The following KLHL34 variants were observed in gnomAD, a reference collection of about 807,000 sequenced individuals.
KLHL34 encodes the protein kelch like family member 34.
KLHL34 carries 24 observed loss-of-function variants against 23.8 expected under a neutral mutation model. The observed-to-expected ratio is 1.01, with a 90% CI of 0.73 to 1.42. KLHL34 has a LOEUF of 1.42. KLHL34 is among the 40% of genes most tolerant of loss of function. The pLI, the probability that KLHL34 is intolerant of heterozygous loss-of-function variation, is 0.00. For synonymous variants in KLHL34, 303 were observed against 287.9 expected (o/e 1.05, Z -0.53); for missense variants, 652 against 595.1 (o/e 1.10, Z -0.99).
In KLHL34 at chrX:21,656,297, C is replaced by T. The variant is rs766966039; in HGVS notation, c.1492G>A (p.Val498Ile). The change falls in exon 1 of 1, where the codon GTC becomes ATC. Residue 498 changes from valine to isoleucine, a missense_variant. Transcript: ENST00000379499. Reference sequence around the variant, plus strand: ...CAAACCTGCTCCTCAGGGCCCAGGACGTATAAGTCCCGGAGGCTGCTCGCT... The same window carrying T: ...CAAACCTGCTCCTCAGGGCCCAGGATGTATAAGTCCCGGAGGCTGCTCGCT... Reference protein sequence around the residue: ...GGASSLRDLYVLGPEEQVWSK... With the variant: ...GGASSLRDLYILGPEEQVWSK... 1 of 1,201,849 alleles carries T rather than the reference C, an allele frequency of 8.3e-7. No individual in the cohort carries two copies. Among genetic ancestry groups the T allele is most frequent in the Non-Finnish European group, 1.1e-6 (1 of 890,629 alleles).
At position 21,657,073 on chromosome X, in the gene KLHL34, C is replaced by T. The variant is rs1442471871; in HGVS notation, c.716G>A (p.Gly239Asp). The change falls in exon 1 of 1, where the codon GGC (glycine) becomes GAC (aspartate). Residue 239 changes from glycine to aspartate, a missense_variant. Coordinates refer to ENST00000379499, the MANE Select transcript of KLHL34 (RefSeq NM_153270.3). ...PADVLRRVYSGSGLVLPARVK... is the reference protein window; with the variant it reads ...PADVLRRVYSDSGLVLPARVK... ...CCGGGCGGGCAGCACGAGGCCAGAGCCCGAGTACACGCGCCGCAGTACGTC... is the reference window on the plus strand; with the variant it reads ...CCGGGCGGGCAGCACGAGGCCAGAGTCCGAGTACACGCGCCGCAGTACGTC... The T allele has an allele frequency of 8.3e-7, 1 of 1,198,658 alleles. No homozygotes were observed.
At position 21,657,936 on chromosome X, in the gene KLHL34, A is replaced by C; in HGVS notation, c.-148T>G. 1.1e-6 allele frequency: 1 copy of C among 925,009 alleles called. No homozygotes were observed. The highest frequency in any genetic ancestry group is 1.5e-6 in the Non-Finnish European group (1 of 688,185). The allele number at this position is 925,009 out of a possible 1,213,427, so 76.2% of individuals were successfully genotyped here. ...TTTCTGCCTGCTCAGTTTAAAGCCCAGGGCTCCTTCATCCAGACCTGCAGA... is the reference window on the plus strand; with the variant it reads ...TTTCTGCCTGCTCAGTTTAAAGCCCCGGGCTCCTTCATCCAGACCTGCAGA... On this transcript the variant is annotated 5_prime_UTR_variant, in exon 1 of 1. Transcript: ENST00000379499.
chrX:21,656,816 CCTCTTCCTCCAA>C lies in KLHL34; in HGVS notation c.961_972del (p.Leu321_Glu324del), dbSNP rs1404927391. ...GTGAGCTCCCACTCCTCCTCCTCCT[CCTCTTCCTCCAA>C]CTCTTCCTCTTCTTCCTCGGGCTCT... On this transcript the variant is annotated inframe_deletion, in exon 1 of 1. Coordinates refer to ENST00000379499, the MANE Select transcript of KLHL34 (RefSeq NM_153270.3). 1.6e-5 allele frequency: 19 copies of C among 1,192,959 alleles called. No individual in the cohort carries two copies. Among genetic ancestry groups the C allele is most frequent in the Non-Finnish European group, 2.1e-5 (19 of 886,085 alleles).
chrX:21,656,380 A>G lies in KLHL34; in HGVS notation c.1409T>C (p.Val470Ala). 7.5e-6 allele frequency: 9 copies of G among 1,194,546 alleles called. No homozygotes were observed. Among genetic ancestry groups the G allele is most frequent in the Non-Finnish European group, 1.0e-5 (9 of 888,574 alleles). The change falls in exon 1 of 1, where the codon GTC becomes GCC. Residue 470 changes from valine to alanine, a missense_variant. Coordinates refer to ENST00000379499, the MANE Select transcript of KLHL34 (RefSeq NM_153270.3). ...GATGTACACAACACCGCGGTCCCCG[A>G]CGGCCCCCGCGTGACCGTGCAGAGC... Reference protein sequence around the residue: ...PRALHGHAGAVGDRGVVYISG... With the variant: ...PRALHGHAGAAGDRGVVYISG...
At position 21,657,272 on chromosome X, in the gene KLHL34, C is replaced by T; in HGVS notation, c.517G>A (p.Glu173Lys). 8.6e-7 allele frequency: 1 copy of T among 1,160,621 alleles called. No individual in the cohort carries two copies. The highest frequency in any genetic ancestry group is 1.8e-5 in the African/African-American group (1 of 56,456). ...GCCCTCAGCGATGTAGGGTTGAGCT[C>T]CAGGAGTCCCGCGGGGCCCGCGCCC... is the stretch of plus-strand genomic sequence containing the variant. ...ARGAGPAGLL[E>K]LNPTSLRAVL... is the part of the protein sequence containing the mutation. Residue 173 changes from glutamate (E) to lysine (K), a missense_variant, in exon 1 of 1, where the codon GAG becomes AAG. Physicochemically the swap from Glu to Lys is moderately conservative, Grantham distance 56. Coordinates refer to ENST00000379499, the MANE Select transcript of KLHL34 (RefSeq NM_153270.3).
rs774445774 is a variant in KLHL34, at chrX:21,656,558, T to G, written c.1231A>C (p.Met411Leu). The change falls in exon 1 of 1, where the codon ATG becomes CTG. Residue 411 changes from methionine to leucine, a missense_variant. By Grantham distance (15) the Met-to-Leu change is conservative. Coordinates refer to ENST00000379499, the MANE Select transcript of KLHL34 (RefSeq NM_153270.3). ...RFHAWTEVPA[M>L]REARAHFWCG... ...CAGAAGTGGGCCCGCGCTTCCCGCA[T>G]GGCGGGCACTTCCGTCCAAGCGTGG... 1.2e-5 allele frequency: 14 copies of G among 1,198,638 alleles called. No individual in the cohort carries two copies. In the African/African-American group the frequency reaches 2.5e-4, roughly 21 times the overall value.
Position 21,656,161 on chromosome X carries a change from C to T in KLHL34, c.1628G>A (p.Arg543His). ...GRYEPFSEIE[R>H]YDPGADQWTR... is the part of the protein sequence containing the mutation. ...CCACTGGTCGGCGCCGGGGTCGTAG[C>T]GCTCGATCTCAGAGAAGGGCTCGTA... The change falls in exon 1 of 1, where the codon CGC becomes CAC. Residue 543 changes from arginine to histidine, a missense_variant. Arg to His is a conservative substitution (Grantham distance 29). Coordinates refer to ENST00000379499, the MANE Select transcript of KLHL34 (RefSeq NM_153270.3). 1 of 1,174,893 alleles carries T rather than the reference C, an allele frequency of 8.5e-7. No individual in the cohort carries two copies. Among genetic ancestry groups the T allele is most frequent in the Non-Finnish European group, 1.1e-6 (1 of 876,326 alleles).
rs748259656 is a variant in KLHL34, at chrX:21,655,901, C to T, written c.1888G>A (p.Glu630Lys). 1.6e-5 allele frequency: 19 copies of T among 1,204,352 alleles called. No homozygotes were observed. Among genetic ancestry groups the T allele is most frequent in the Non-Finnish European group, 2.0e-5 (18 of 891,792 alleles). ...GCCTCTCCAACCTCTCCCTCCCTCTCGTCGTCCCCACCCTCGGCCAGCTGC... is the reference window on the plus strand; with the variant it reads ...GCCTCTCCAACCTCTCCCTCCCTCTTGTCGTCCCCACCCTCGGCCAGCTGC... ...VLQLAEGGDDEREGEVGEALD... is the reference protein window; with the variant it reads ...VLQLAEGGDDKREGEVGEALD... Residue 630 changes from glutamate (E) to lysine (K), a missense_variant, in exon 1 of 1, where the codon GAG (glutamate) becomes AAG (lysine). Coordinates refer to ENST00000379499, the MANE Select transcript of KLHL34 (RefSeq NM_153270.3).
rs1054417495 is a variant in KLHL34 at position 21,656,070 on chromosome X, C to A, written c.1719G>T (p.Ala573=). 8.4e-7 allele frequency: 1 copy of A among 1,195,761 alleles called. No individual in the cohort carries two copies. The change falls in exon 1 of 1, where the codon GCG becomes GCT. Residue 573 remains alanine, a synonymous_variant. Transcript: ENST00000379499. ...CYGLAVVEET[A]LLLGGLKWRD... ...GCCACTTGAGGCCGCCCAGCAGCAA[C>A]GCTGTCTCCTCGACCACGGCCAGCC...
chrX:21,657,992 G>T lies in KLHL34; in HGVS notation c.-204C>A. 1 of 541,267 alleles carries T rather than the reference G, an allele frequency of 1.8e-6. No homozygotes were observed. The highest frequency in any genetic ancestry group is 2.8e-6 in the Non-Finnish European group (1 of 362,845). 44.6% of individuals were successfully genotyped at this position (541,267 alleles called of 1,213,427 possible). ...CAGTGCCCCTCTCAGAGCAAATCCAGTCTGGAAACGGTTTTCGGAGGCCCC... is the reference window on the plus strand; with the variant it reads ...CAGTGCCCCTCTCAGAGCAAATCCATTCTGGAAACGGTTTTCGGAGGCCCC... On this transcript the variant is annotated 5_prime_UTR_variant, in exon 1 of 1. In the 5' UTR this introduces an upstream ATG that the reference lacks. Coordinates refer to ENST00000379499, the MANE Select transcript of KLHL34 (RefSeq NM_153270.3).
Position 21,655,883 on chromosome X carries a change from C to T in KLHL34, c.1906G>A (p.Gly636Arg). ...GGDDEREGEV[G>R]EALDLVLG is the part of the protein sequence containing the mutation. ...CCCAGCACCAAATCTAGCGCCTCTC[C>T]AACCTCTCCCTCCCTCTCGTCGTCC... is the stretch of plus-strand genomic sequence containing the variant. The change falls in exon 1 of 1, where the codon GGA becomes AGA. Residue 636 changes from glycine (G) to arginine (R), a missense_variant. Coordinates refer to ENST00000379499, the MANE Select transcript of KLHL34 (RefSeq NM_153270.3). 1 of 1,197,921 alleles carries T rather than the reference C, an allele frequency of 8.3e-7. No individual in the cohort carries two copies. The highest frequency in any genetic ancestry group is 1.1e-6 in the Non-Finnish European group (1 of 887,437).
Position 21,656,148 on chromosome X carries a change from G to C in KLHL34, c.1641C>G (p.Gly547=). The C allele has an allele frequency of 4.2e-6, 5 of 1,176,646 alleles. No individual in the cohort carries two copies. Among genetic ancestry groups the C allele is most frequent in the African/African-American group, 1.7e-5 (1 of 57,150 alleles). ...GCCGCAACCGAGTCCACTGGTCGGC[G>C]CCGGGGTCGTAGCGCTCGATCTCAG... ...PFSEIERYDP[G]ADQWTRLRPL... The change falls in exon 1 of 1, where the codon GGC becomes GGG. Residue 547 remains glycine, a synonymous_variant. Coordinates refer to ENST00000379499, the MANE Select transcript of KLHL34 (RefSeq NM_153270.3).
chrX:21,656,036 G>C lies in KLHL34; in HGVS notation c.1753C>G (p.Arg585Gly). The change falls in exon 1 of 1, where the codon CGC becomes GGC. Residue 585 changes from arginine (R) to glycine (G), a missense_variant. By Grantham distance (125) the Arg-to-Gly change is moderately radical. Transcript: ENST00000379499. ...ACTACGTTGCGGGTAGGCACCTGGC[G>C]CGAGTCCCGCCACTTGAGGCCGCCC... Reference protein sequence around the residue: ...LLGGLKWRDSRQVPTRNVVGY... With the variant: ...LLGGLKWRDSGQVPTRNVVGY... The C allele has an allele frequency of 8.4e-7, 1 of 1,197,376 alleles. No individual in the cohort carries two copies. The highest frequency in any genetic ancestry group is 1.1e-6 in the Non-Finnish European group (1 of 887,107).
Position 21,655,829 on chromosome X carries a change from G to C in KLHL34, c.*25C>G. Reference sequence around the variant, plus strand: ...ACCAAGCGCGACTTTCTCCTCCATTGCGGAAGGAAACCGGACTGACCCATT... The same window carrying C: ...ACCAAGCGCGACTTTCTCCTCCATTCCGGAAGGAAACCGGACTGACCCATT... On this transcript the variant is annotated 3_prime_UTR_variant, in exon 1 of 1. Coordinates refer to ENST00000379499, the MANE Select transcript of KLHL34 (RefSeq NM_153270.3). 3 of 1,141,624 alleles carry C rather than the reference G, an allele frequency of 2.6e-6. No homozygotes were observed. The highest frequency in any genetic ancestry group is 3.5e-6 in the Non-Finnish European group (3 of 860,640). 94.1% of individuals were successfully genotyped at this position (1,141,624 alleles called of 1,213,427 possible).
Position 21,656,983 on chromosome X carries a change from T to C in KLHL34, c.806A>G (p.Gln269Arg), listed in dbSNP as rs1321476330. 8.6e-7 allele frequency: 1 copy of C among 1,160,471 alleles called. No individual in the cohort carries two copies. The highest frequency in any genetic ancestry group is 3.0e-5 in the East Asian group (1 of 33,273). Residue 269 changes from glutamine (Q) to arginine (R), a missense_variant, in exon 1 of 1, where the codon CAG becomes CGG. Coordinates refer to ENST00000379499, the MANE Select transcript of KLHL34 (RefSeq NM_153270.3). ...HTTPSRQPLM[Q>R]GEQTSIRSPQ... ...GCTCCGGATGCTGGTCTGCTCGCCC[T>C]GCATGAGCGGCTGGCGGGAGGGCGT... is the stretch of plus-strand genomic sequence containing the variant.
At position 21,657,140 on chromosome X, in the gene KLHL34, T is replaced by C; in HGVS notation, c.649A>G (p.Thr217Ala). Residue 217 changes from threonine (T) to alanine (A), a missense_variant, in exon 1 of 1, where the codon ACA becomes GCA. Thr to Ala is a moderately conservative substitution (Grantham distance 58, BLOSUM62 0). Coordinates refer to ENST00000379499, the MANE Select transcript of KLHL34 (RefSeq NM_153270.3). ...EPTTERLAHC[T>A]ELLERVRFGL... The stretch of plus-strand genomic sequence containing the variant: ...AAGCGGACACGCTCCAGCAACTCTG[T>C]ACAGTGTGCCAGGCGCTCAGTTGTG... The C allele has an allele frequency of 8.3e-7, 1 of 1,206,399 alleles. No homozygotes were observed. The highest frequency in any genetic ancestry group is 1.1e-6 in the Non-Finnish European group (1 of 894,153).
In KLHL34 at chrX:21,655,459, T is replaced by G; in HGVS notation, c.*395A>C. 8.4e-6 allele frequency: 1 copy of G among 119,482 alleles called. No homozygotes were observed. Among genetic ancestry groups the G allele is most frequent in the Non-Finnish European group, 1.6e-5 (1 of 61,912 alleles). The allele number at this position is 119,482 out of a possible 1,213,427, so 9.8% of individuals were successfully genotyped here. A position where few individuals can be genotyped will look rare whatever the true frequency, so the allele number is the denominator to read the frequency against. Reference sequence around the variant, plus strand: ...TTTTGTATAAACTTCCTGTGGTACATTTTTTGGCCTTTTTTTTTTTTTTTT... The same window carrying G: ...TTTTGTATAAACTTCCTGTGGTACAGTTTTTGGCCTTTTTTTTTTTTTTTT... On this transcript the variant is annotated 3_prime_UTR_variant, in exon 1 of 1. Coordinates refer to ENST00000379499, the MANE Select transcript of KLHL34 (RefSeq NM_153270.3).
chrX:21,657,436 C>A lies in KLHL34; in HGVS notation c.353G>T (p.Cys118Phe). 8.3e-7 allele frequency: 1 copy of A among 1,200,230 alleles called. No homozygotes were observed. The highest frequency in any genetic ancestry group is 1.1e-6 in the Non-Finnish European group (1 of 889,880). The change falls in exon 1 of 1, where the codon TGT (cysteine) becomes TTT (phenylalanine). Residue 118 changes from cysteine to phenylalanine, a missense_variant. Transcript: ENST00000379499. ...CAGCTGGCGCTCCAAGTAGCGCCCA[C>A]AGAGCCCCAGGGCCTCAGTGACCTG... Reference protein sequence around the residue: ...YLQVTEALGLCGRYLERQLAP... With the variant: ...YLQVTEALGLFGRYLERQLAP...
Position 21,656,626 on chromosome X carries a change from G to C in KLHL34, c.1163C>G (p.Ser388Trp). 8.3e-7 allele frequency: 1 copy of C among 1,210,832 alleles called. No homozygotes were observed. The highest frequency in any genetic ancestry group is 1.1e-6 in the Non-Finnish European group (1 of 895,308). ...GSASSPLADD[S>W]RVVTAQVHRY... ...GTGCACTTGGGCCGTGACCACCCGC[G>C]AGTCGTCGGCCAGGGGAGAGGATGC... Residue 388 changes from serine to tryptophan, a missense_variant, in exon 1 of 1, where the codon TCG (serine) becomes TGG (tryptophan). Coordinates refer to ENST00000379499, the MANE Select transcript of KLHL34 (RefSeq NM_153270.3).
Sources: allele counts gnomAD v4.1 joint callset, GRCh38; gene constraint gnomAD v4.1.1; transcripts MANE v1.5; gene names NCBI Gene and HGNC (gene_info 2026-07-23, HGNC 2026-07-21).